The following CTSV variants were observed in gnomAD, a reference collection of about 807,000 sequenced individuals.
The protein encoded by CTSV is cathepsin V.
In CTSV, 33 loss-of-function variants were observed where a neutral mutation model predicts 35.6. That is an observed-to-expected ratio of 0.93 (90% CI 0.70 to 1.24). The LOEUF (loss-of-function observed/expected upper bound fraction) is 1.24, where lower values mean the gene tolerates loss of function less well. CTSV is among the 50% of genes most tolerant of loss of function. The pLI is 0.00. For missense variants in CTSV, 408 were observed against 413.1 expected, an observed-to-expected ratio of 0.99 and a Z score of 0.11; for synonymous variants, 154 against 147.1, an observed-to-expected ratio of 1.05 and a Z score of -0.34.
chr9:97,036,306 C>T (rs1342922114), intron 5 of CTSV: 8 of 571,956 alleles, frequency 1.4e-5, no homozygotes, highest in South Asian at 5.9e-5. Context: ...CTCCTGACCT[C>T]GTGATCCGCC....
rs757268654 is a variant in CTSV, at chr9:97,037,527, C to A, written c.215G>T (p.Gly72Val). ...AAAAGCATTCATGGCCATTGTGAAG[C>A]CATGTTTCCCTTGGCTGTATTCCCC... Reference protein sequence around the residue: ...HNGEYSQGKHGFTMAMNAFGD... With the variant: ...HNGEYSQGKHVFTMAMNAFGD... Residue 72 changes from glycine to valine, a missense_variant, in exon 3 of 8, where the codon GGC becomes GTC. Transcript: ENST00000259470. The A allele has an allele frequency of 1.2e-6, 2 of 1,614,220 alleles. No individual in the cohort carries two copies. Among genetic ancestry groups the A allele is most frequent in the Non-Finnish European group, 1.7e-6 (2 of 1,180,040 alleles).
chr9:97,032,592 T>G lies in CTSV; in HGVS notation c.*357A>C, dbSNP rs983769759. 1 of 174,170 alleles carries G rather than the reference T, an allele frequency of 5.7e-6. No individual in the cohort carries two copies. The highest frequency in any genetic ancestry group is 1.2e-5 in the Non-Finnish European group (1 of 83,206). The allele number at this position is 174,170 out of a possible 1,614,324, so 10.8% of individuals were successfully genotyped here. A position where few individuals can be genotyped will look rare whatever the true frequency, so the allele number is the denominator to read the frequency against. On this transcript the variant is annotated 3_prime_UTR_variant, in exon 8 of 8. Coordinates refer to ENST00000259470, the MANE Select transcript of CTSV (RefSeq NM_001333.4). ...ATACCATTGGCACATGAAGTTATTA[T>G]TTCAGAGCTTAATTATATTTCCTGA...
chr9:97,036,975 T>C (rs1828863301), intron 4 of CTSV, among the ~76,000 whole-genome samples: 1 of 151,902 alleles, frequency 6.6e-6, no homozygotes, highest in East Asian at 1.9e-4. Context: ...GGCATGGTGG[T>C]GAGCACTTGC....
rs138096582 is a variant in CTSV, at chr9:97,035,592, T to C, written c.723A>G (p.Ala241=). 4.7e-5 allele frequency: 76 copies of C among 1,605,132 alleles called. No homozygotes were observed. The African/African-American group carries it at 8.4e-4, about 18-fold the overall frequency. ...TAGCAACGGAGATGGGCCCCACAGT[T>C]GCGACTGCTTTCATCAGGGCCTTCT... The part of the protein sequence containing the change: ...GKEKALMKAV[A]TVGPISVAMD... The change falls in exon 6 of 8, where the codon GCA becomes GCG. Residue 241 remains alanine (A), a synonymous_variant. Coordinates refer to ENST00000259470, the MANE Select transcript of CTSV (RefSeq NM_001333.4).
chr9:97,036,746 T>A lies in CTSV; in HGVS notation c.398A>T (p.Lys133Ile). ...AAAAGCCCAACAAGAACCACACTGT[T>A]TCTAAAAAGGGAGAAAAAAAAAGCT... is the stretch of plus-strand genomic sequence containing the variant. ...KGYVTPVKNQ[K>I]QCGSCWAFSA... The change falls in exon 5 of 8, where the codon AAA (lysine) becomes ATA (isoleucine). Residue 133 changes from lysine to isoleucine, a missense_variant and splice_region_variant. Lys to Ile is a moderately radical substitution (Grantham distance 102). Transcript: ENST00000259470. The A allele has an allele frequency of 6.3e-7, 1 of 1,587,158 alleles. No homozygotes were observed. Among genetic ancestry groups the A allele is most frequent in the Non-Finnish European group, 8.5e-7 (1 of 1,169,778 alleles).
intron 5 of CTSV, 21 bp from the exon 6 acceptor site, chr9:97,035,714 G>A: frequency 7.0e-7 from 1 of 1,436,976 alleles, no homozygotes; most frequent in Non-Finnish European, 9.3e-7. Context: ...TAAAGGGGGA[G>A]AGACTTGATC....
intron 4 of CTSV, 130 bp from the exon 5 acceptor site, chr9:97,036,877 G>A (rs772503589): frequency 9.5e-6 from 8 of 839,866 alleles, no homozygotes; most frequent in Non-Finnish European, 1.4e-5. Flanking sequence ...GGCCGAGGCG[G>A]GCAGATCACT....
Position 97,036,690 on chromosome 9 carries a change from A to C in CTSV, c.454T>G (p.Phe152Val), listed in dbSNP as rs769582136. 1.9e-6 allele frequency: 3 copies of C among 1,614,026 alleles called. No homozygotes were observed. The African/African-American group carries it at 4.0e-5, about 22-fold the overall frequency. Residue 152 changes from phenylalanine to valine, a missense_variant, in exon 5 of 8, where the codon TTC becomes GTC. By Grantham distance (50) the Phe-to-Val change is conservative. Transcript: ENST00000259470. ...SATGALEGQM[F>V]RKTGKLVSLS... ...GAGACAAGTTTCCCAGTTTTCCGGA[A>C]CATCTGTCCTTCAAGAGCACCAGTC...
In CTSV at chr9:97,036,552, A is replaced by G; in HGVS notation, c.592T>C (p.Ser198Pro). The G allele has an allele frequency of 6.2e-7, 1 of 1,613,970 alleles. No homozygotes were observed. Among genetic ancestry groups the G allele is most frequent in the Non-Finnish European group, 8.5e-7 (1 of 1,179,884 alleles). The change falls in exon 5 of 8, where the codon TCT becomes CCT. Residue 198 changes from serine (S) to proline (P), a missense_variant. Coordinates refer to ENST00000259470, the MANE Select transcript of CTSV (RefSeq NM_001333.4). Reference protein sequence around the residue: ...QYVKENGGLDSEESYPYVAVD... With the variant: ...QYVKENGGLDPEESYPYVAVD... ...GCTACATATGGATAGGATTCCTCAG[A>G]GTCCAGGCCTCCGTTCTCCTTGACA...
At chr9:97,039,314 A>G (rs1036977581), upstream of CTSV, 1 of 152,446 alleles carries the variant, frequency 6.6e-6, no homozygotes, top group Non-Finnish European at 1.5e-5. Context: ...GCCTACCTCA[A>G]TACACCCTGG....
In CTSV at chr9:97,035,693, C is replaced by A; in HGVS notation, c.622G>T (p.Asp208Tyr). ...TCAGGTCTGTACTTACAGATTTCAT[C>A]CTTTTAAAGTTAAAGGGGGAGAGAC... The part of the protein sequence containing the change: ...SEESYPYVAV[D>Y]EICKYRPENS... Residue 208 changes from aspartate to tyrosine, a missense_variant and splice_region_variant, in exon 6 of 8, where the codon GAT (aspartate) becomes TAT (tyrosine). Transcript: ENST00000259470. The A allele has an allele frequency of 6.7e-7, 1 of 1,501,494 alleles. No individual in the cohort carries two copies. Among genetic ancestry groups the A allele is most frequent in the Non-Finnish European group, 9.0e-7 (1 of 1,117,194 alleles). The allele number at this position is 1,501,494 out of a possible 1,614,324, so 93.0% of individuals were successfully genotyped here. A position where few individuals can be genotyped will look rare whatever the true frequency, so the allele number is the denominator to read the frequency against.
At chr9:97,034,233 A>C (rs1317111106) in intron 7 of CTSV, among the ~76,000 whole-genome samples, 1 of 152,242 alleles carries the variant, frequency 6.6e-6, no homozygotes, top group East Asian at 1.9e-4. Context: ...ATCTCAATTA[A>C]AGAATGCTAA....
rs1223710240 is a variant in CTSV, at chr9:97,030,765, T to TC, written c.*2183dup. 6.6e-6 allele frequency: 1 copy of TC among 152,220 alleles called. No individual in the cohort carries two copies. The highest frequency in any genetic ancestry group is 1.9e-4 in the East Asian group (1 of 5,188). 9.4% of individuals were successfully genotyped at this position (152,220 alleles called of 1,614,324 possible). A position where few individuals can be genotyped will look rare whatever the true frequency, so the allele number is the denominator to read the frequency against. On this transcript the variant is annotated 3_prime_UTR_variant, in exon 8 of 8. Transcript: ENST00000259470. ...GTTTAGGAACGCCTTTAAGCCGTTT[T>TC]CCCGCCCTGGGTGGTCCAGGTGTTC...
intron 6 of CTSV, among the ~76,000 whole-genome samples, chr9:97,035,272 T>C (rs2119231470): frequency 6.6e-6 from 1 of 152,276 alleles, no homozygotes; most frequent in Non-Finnish European, 1.5e-5. Context: ...TAAAAAACTT[T>C]GAGAAAAAAA....
chr9:97,038,117 C>T (rs1289746290), intron 1 of CTSV, 64 bp from the exon 2 acceptor site: 6 of 1,486,788 alleles, frequency 4.0e-6, no homozygotes, highest in Admixed American at 1.8e-5. Flanking sequence ...TTACAGCCCC[C>T]GTGGAATAGA....
chr9:97,035,719 T>G, intron 5 of CTSV, 26 bp from the exon 6 acceptor site: 7 of 1,410,212 alleles, frequency 5.0e-6, no homozygotes, highest in Non-Finnish European at 6.6e-6. Context: ...GGGGAGAGAC[T>G]TGATCACTAC....
At chr9:97,038,969 C>G (rs1323505010) in intron 1 of CTSV, 102 bp downstream of exon 1, 1 of 152,606 alleles carries the variant, frequency 6.6e-6, no homozygotes, top group Non-Finnish European at 1.5e-5. Context: ...GGCAGAAGCT[C>G]TCACTCCCAG....
rs1170887707 is a variant in CTSV, at chr9:97,036,510, G to C, written c.621+13C>G. 1.9e-6 allele frequency: 3 copies of C among 1,578,278 alleles called. No individual in the cohort carries two copies. Among genetic ancestry groups the C allele is most frequent in the African/African-American group, 2.7e-5 (2 of 74,074 alleles). ...AGCAGAGCACGAATGACAAGATAAG[G>C]AGCTCCATTTACCACTGCTACATAT... On this transcript the variant is annotated intron_variant, in intron 5 of 7. Coordinates refer to ENST00000259470, the MANE Select transcript of CTSV (RefSeq NM_001333.4).
chr9:97,032,963 A>G lies in CTSV; in HGVS notation c.991T>C (p.Tyr331His). 1 of 1,612,282 alleles carries G rather than the reference A, an allele frequency of 6.2e-7. No homozygotes were observed. The highest frequency in any genetic ancestry group is 8.5e-7 in the Non-Finnish European group (1 of 1,179,048). Residue 331 changes from tyrosine (Y) to histidine (H), a missense_variant, in exon 8 of 8, where the codon TAC becomes CAC. Tyr to His is a moderately conservative substitution (Grantham distance 83). Transcript: ENST00000259470. ...CATCCATCAGCTCACACATTGGGGTAGCTGGCTGCTGTGGCGATTCCACAG... is the reference window on the plus strand; with the variant it reads ...CATCCATCAGCTCACACATTGGGGTGGCTGGCTGCTGTGGCGATTCCACAG... The part of the protein sequence containing the change: ...NHCGIATAAS[Y>H]PNV
Sources: allele counts gnomAD v4.1 joint callset (sites outside exome capture counted in the v4.1 genomes callset), GRCh38; gene constraint gnomAD v4.1.1; transcripts MANE v1.5; gene names NCBI Gene and HGNC (gene_info 2026-07-23, HGNC 2026-07-21).